The following ADGRL3 variants were observed in gnomAD, a reference collection of about 807,000 sequenced individuals.
The protein encoded by ADGRL3 is adhesion G protein-coupled receptor L3.
ADGRL3 carries 62 observed loss-of-function variants against 153.5 expected under a neutral mutation model. The ratio of observed to expected loss-of-function variants is 0.40; its 90% CI spans 0.33 to 0.50. The LOEUF (loss-of-function observed/expected upper bound fraction) is 0.50, where lower values mean the gene tolerates loss of function less well. Ranked by LOEUF, ADGRL3 falls within the 20% of genes least tolerant of loss-of-function variation. The pLI is 0.47. For synonymous variants in ADGRL3, 710 were observed against 672.5 expected (o/e 1.06, Z -0.86); for missense variants, 1,641 against 1,859.4 (o/e 0.88, Z 2.16).
At chr4:61,609,602 T>A (rs2099045374) in intron 5 of ADGRL3, among the ~76,000 whole-genome samples, 2 of 152,114 alleles carry the variant, frequency 1.3e-5, no homozygotes, top group Non-Finnish European at 2.9e-5. Context: ...TTTGTCTGTG[T>A]ATGTTTTGAG....
In ADGRL3 at chr4:61,510,367, T is replaced by G. The variant is rs143215735; in HGVS notation, c.56-6948T>G. 7.2e-5 allele frequency among the ~76,000 whole-genome samples: 11 copies of G among 152,310 alleles called. No homozygotes were observed. In the East Asian group the frequency reaches 2.1e-3, roughly 29 times the overall value. On this transcript the variant is annotated intron_variant, in intron 3 of 26. Transcript: ENST00000683033. ...TGAGAATGGTACTTTATAGGTTTGC[T>G]TGTAGGATTTTTATAGTTTAGGGTC...
At chr4:62,045,711 G>T (rs1176171622) in intron 25 of ADGRL3, among the ~76,000 whole-genome samples, 1 of 151,686 alleles carries the variant, frequency 6.6e-6, no homozygotes, top group Non-Finnish European at 1.5e-5. Context: ...TATTATTTGG[G>T]GCAACAATAT....
At chr4:61,428,297 C>G (rs1041421901) in intron 2 of ADGRL3, 1 of 152,320 alleles carries the variant, frequency 6.6e-6, no homozygotes, top group Non-Finnish European at 1.5e-5. Context: ...TGAGCCCACT[C>G]ATAACATGGT....
intron 2 of ADGRL3, among the ~76,000 whole-genome samples, chr4:61,476,608 A>G (rs982500159): frequency 7.0e-6 from 1 of 143,244 alleles, no homozygotes; most frequent in Admixed American, 7.2e-5. Flanking sequence ...ACTTGGGAGG[A>G]TGAGACAAGA....
intron 5 of ADGRL3, among the ~76,000 whole-genome samples, chr4:61,649,213 A>T (rs919610464): frequency 1.3e-5 from 2 of 152,104 alleles, no homozygotes; most frequent in African/African-American, 4.8e-5. Flanking sequence ...TGGATGTAAC[A>T]TCGCTTATTT....
intron 1 of ADGRL3, among the ~76,000 whole-genome samples, chr4:61,226,720 G>A (rs777996144): frequency 7.2e-5 from 11 of 152,112 alleles, no homozygotes; most frequent in Non-Finnish European, 1.2e-4. Flanking sequence ...AAGAATACCT[G>A]AAGGGTAGCT....
chr4:61,500,361 T>G (rs1317519147), intron 3 of ADGRL3, among the ~76,000 whole-genome samples: 1 of 152,170 alleles, frequency 6.6e-6, no homozygotes, highest in East Asian at 1.9e-4. Flanking sequence ...GTGATACCAC[T>G]TCTGACTTGT....
rs533814701 is a variant in ADGRL3, at chr4:62,061,124, T to C, written c.3815-7042T>C. ...ACTGATAATTTACTCTGACAAAGAG[T>C]TATAATTTAGAAAAGATTGAAAATA... On this transcript the variant is annotated intron_variant, in intron 25 of 26. Transcript: ENST00000683033. Among the ~76,000 whole-genome samples, 7 of 151,934 alleles carry C rather than the reference T, an allele frequency of 4.6e-5. No individual in the cohort carries two copies. The South Asian group carries it at 1.5e-3, about 32-fold the overall frequency.
At chr4:61,922,761 G>A (rs1426200554) in intron 13 of ADGRL3, among the ~76,000 whole-genome samples, 1 of 152,100 alleles carries the variant, frequency 6.6e-6, no homozygotes, top group Non-Finnish European at 1.5e-5. Context: ...TCAGGTGCAG[G>A]GATTCACGGG....
rs188908335 is a variant in ADGRL3, at chr4:61,970,533, A to G, written c.2806-9030A>G. ...AATAACTTAGAGTGTGCTAAGCATA[A>G]TAAGTATGCTTCTGAAGCCAGAAAT... On this transcript the variant is annotated intron_variant, in intron 17 of 26. Coordinates refer to ENST00000683033, the MANE Select transcript of ADGRL3 (RefSeq NM_001387552.1). 7.4e-4 allele frequency among the ~76,000 whole-genome samples: 113 copies of G among 152,248 alleles called. 1 individual carries two copies. Among genetic ancestry groups the G allele is most frequent in the Non-Finnish European group, 1.2e-3 (85 of 68,008 alleles).
chr4:61,446,105 T>G (rs1382808387), intron 2 of ADGRL3, among the ~76,000 whole-genome samples: 1 of 152,312 alleles, frequency 6.6e-6, no homozygotes, highest in East Asian at 1.9e-4. Context: ...ACATTATTTC[T>G]GAGAGTGTAT....
chr4:61,653,170 T>TCACACA (rs34273823), intron 5 of ADGRL3, among the ~76,000 whole-genome samples: 41 of 91,084 alleles, frequency 4.5e-4, no homozygotes, highest in South Asian at 4.4e-3. Flanking sequence ...TCTCTCTCTC[T>TCACACA]CACACACACA....
intron 2 of ADGRL3, among the ~76,000 whole-genome samples, chr4:61,467,330 C>A (rs1351308873): frequency 5.9e-5 from 9 of 152,064 alleles, no homozygotes; most frequent in Non-Finnish European, 1.0e-4. Flanking sequence ...CATTCACGTT[C>A]TATTCTTGGA....
At chr4:61,745,573 G>T (rs555689837) in intron 8 of ADGRL3, among the ~76,000 whole-genome samples, 1 of 152,124 alleles carries the variant, frequency 6.6e-6, no homozygotes, top group African/African-American at 2.4e-5. Flanking sequence ...TTAAAGAAAA[G>T]AATTTTCAAC....
At chr4:61,462,114 C>A (rs2097827293) in intron 2 of ADGRL3, among the ~76,000 whole-genome samples, 1 of 152,064 alleles carries the variant, frequency 6.6e-6, no homozygotes, top group African/African-American at 2.4e-5. Context: ...CTGGTAATCT[C>A]CACTGAATGC....
intron 9 of ADGRL3, among the ~76,000 whole-genome samples, chr4:61,855,537 A>G (rs2098253297): frequency 6.6e-6 from 1 of 152,180 alleles, no homozygotes; most frequent in Non-Finnish European, 1.5e-5. Flanking sequence ...GATAAGAAAT[A>G]CTGATAAACA....
intron 11 of ADGRL3, among the ~76,000 whole-genome samples, chr4:61,904,381 T>C (rs960427476): frequency 2.0e-5 from 3 of 152,094 alleles, no homozygotes; most frequent in Non-Finnish European, 4.4e-5. Flanking sequence ...ACTTCTGAGA[T>C]CAAGTGATCT....
intron 1 of ADGRL3, among the ~76,000 whole-genome samples, chr4:61,371,776 C>T (rs2096533135): frequency 1.3e-5 from 2 of 152,040 alleles, no homozygotes; most frequent in Non-Finnish European, 2.9e-5. Context: ...GAATGTTGGC[C>T]TGCCTTGCTA....
At chr4:61,619,408 A>G (rs1560945884) in intron 5 of ADGRL3, among the ~76,000 whole-genome samples, 1 of 151,750 alleles carries the variant, frequency 6.6e-6, no homozygotes, top group Non-Finnish European at 1.5e-5. Flanking sequence ...TTGGAAGGAG[A>G]TATTGATATT....
Sources: allele counts gnomAD v4.1 joint callset (sites outside exome capture counted in the v4.1 genomes callset), GRCh38; gene constraint gnomAD v4.1.1; transcripts MANE v1.5; gene names NCBI Gene and HGNC (gene_info 2026-07-23, HGNC 2026-07-21).